Variants in CPLANE1 observed in about 807,000 individuals in gnomAD.
CPLANE1 encodes the protein ciliogenesis and planar polarity effector complex subunit 1.
CPLANE1 carries 263 observed loss-of-function variants against 362.5 expected under a neutral mutation model. That is an observed-to-expected ratio of 0.73 (90% CI 0.66 to 0.80). The LOEUF is 0.80. Among genes scored for constraint, CPLANE1 ranks in the 30% least tolerant of loss-of-function variants. CPLANE1 has a pLI of 0.00. For missense variants in CPLANE1, 3,461 were observed against 3,793.4 expected, an observed-to-expected ratio of 0.91 and a Z score of 2.30; for synonymous variants, 1,212 against 1,302.6, an observed-to-expected ratio of 0.93 and a Z score of 1.50.
chr5:37,164,147 G>A, intron 37 of CPLANE1, 126 bp downstream of exon 37: 1 of 715,590 alleles, frequency 1.4e-6, no homozygotes, highest in Non-Finnish European at 2.4e-6. Flanking sequence ...GTGGAGTATA[G>A]GAACCCTTGA....
At chr5:37,127,553 T>C (rs1196274960) in intron 46 of CPLANE1, among the ~76,000 whole-genome samples, 3 of 149,676 alleles carry the variant, frequency 2.0e-5, no homozygotes, top group African/African-American at 7.4e-5. Context: ...AGTTTCGCTC[T>C]TGTTGCTCAG....
At chr5:37,128,327 T>C (rs930102170) in intron 46 of CPLANE1, among the ~76,000 whole-genome samples, 2 of 152,152 alleles carry the variant, frequency 1.3e-5, no homozygotes, top group Non-Finnish European at 2.9e-5. Context: ...CCTATTACCC[T>C]ACACTCTCCA....
At position 37,183,588 on chromosome 5, in the gene CPLANE1, T is replaced by A. The variant is rs1440218242; in HGVS notation, c.4593A>T (p.Ser1531=). The A allele has an allele frequency of 2.5e-6, 4 of 1,612,730 alleles. No homozygotes were observed. The highest frequency in any genetic ancestry group is 3.4e-6 in the Non-Finnish European group (4 of 1,179,142). ...CACCTATTACAGGAAGTGTATTTTG[T>A]GATAACTTTTCATGATCTTCTTTCT... is the stretch of plus-strand genomic sequence containing the variant. ...PTKKEDHEKL[S]QNTLPVIGVW... Residue 1531 remains serine, a synonymous_variant, in exon 26 of 53, where the codon TCA becomes TCT. Transcript: ENST00000651892.
chr5:37,088,000 C>T, the CPLANE1 span, among the ~76,000 whole-genome samples: 1 of 152,194 alleles, frequency 6.6e-6, no homozygotes, highest in Non-Finnish European at 1.5e-5. Flanking sequence ...GACATAACAG[C>T]TGATATGCTC....
chr5:37,231,652 T>C (rs1299307858), intron 8 of CPLANE1, among the ~76,000 whole-genome samples: 6 of 152,150 alleles, frequency 3.9e-5, no homozygotes, highest in Non-Finnish European at 1.5e-5. Flanking sequence ...GATCTACTGA[T>C]AGATTTCAAG....
In CPLANE1 at chr5:37,169,508, T is replaced by C; in HGVS notation, c.6516A>G (p.Lys2172=). ...PLCQLNGQPR[K]KGPIPSSQNL... ...TTTGAGATGATGGAATTGGTCCTTT[T>C]TTCCGGGGCTGGCCATTTAATTGAC... Residue 2172 remains lysine, a synonymous_variant, in exon 34 of 53, where the codon AAA becomes AAG. Coordinates refer to ENST00000651892, the MANE Select transcript of CPLANE1 (RefSeq NM_001384732.1). 6.2e-7 allele frequency: 1 copy of C among 1,613,972 alleles called. No individual in the cohort carries two copies. Among genetic ancestry groups the C allele is most frequent in the South Asian group, 1.1e-5 (1 of 91,058 alleles).
At chr5:37,179,039 G>A (rs1265384223) in intron 29 of CPLANE1, among the ~76,000 whole-genome samples, 1 of 152,174 alleles carries the variant, frequency 6.6e-6, no homozygotes, top group East Asian at 1.9e-4. Flanking sequence ...GGGATTACAG[G>A]CATCAGTTGC....
the CPLANE1 span, among the ~76,000 whole-genome samples, chr5:37,098,278 G>C: frequency 4.6e-5 from 7 of 151,322 alleles, no homozygotes; most frequent in African/African-American, 7.3e-5. Flanking sequence ...TGTAATCCCA[G>C]CTACTTGGGA....
Position 37,167,042 on chromosome 5 carries a change from C to T in CPLANE1, c.7400+5G>A. The stretch of plus-strand genomic sequence containing the variant: ...TTATCAAATAAAATTTCACTTAAGC[C>T]TTGCCTTTTTTTACTGTCCTTTCCT... On this transcript the variant is annotated splice_donor_5th_base_variant and intron_variant, in intron 35 of 52. Coordinates refer to ENST00000651892, the MANE Select transcript of CPLANE1 (RefSeq NM_001384732.1). 1.2e-6 allele frequency: 2 copies of T among 1,601,832 alleles called. No individual in the cohort carries two copies. The highest frequency in any genetic ancestry group is 1.7e-6 in the Non-Finnish European group (2 of 1,175,528).
At chr5:37,180,249 GTTTTTTTTTTGTTT>G (rs1782297534) in intron 27 of CPLANE1, 66 bp from the exon 28 acceptor site, 3 of 974,736 alleles carry the variant, frequency 3.1e-6, no homozygotes, top group Non-Finnish European at 4.1e-6. Flanking sequence ...TCAGTTTTGG[GTTTTTTTTTTGTTT>G]TTTTTTTTAA....
intron 50 of CPLANE1, among the ~76,000 whole-genome samples, chr5:37,119,345 TA>T (rs991493540): frequency 1.3e-5 from 2 of 152,132 alleles, no homozygotes; most frequent in Non-Finnish European, 2.9e-5. Flanking sequence ...AGTTATACCC[TA>T]CTAATACCCT....
chr5:37,105,569 A>C (rs1757530061), downstream of CPLANE1, among the ~76,000 whole-genome samples: 1 of 152,252 alleles, frequency 6.6e-6, no homozygotes, highest in Admixed American at 6.5e-5. Context: ...ACTTGAAAGA[A>C]ACATTTGGGA....
chr5:37,113,593 T>C (rs779630619), intron 51 of CPLANE1, among the ~76,000 whole-genome samples: 3 of 152,096 alleles, frequency 2.0e-5, no homozygotes, highest in African/African-American at 7.2e-5. Context: ...GTAGAAAAAG[T>C]ACCCAATAGA....
intron 46 of CPLANE1, among the ~76,000 whole-genome samples, chr5:37,137,556 G>A (rs1768092721): frequency 6.6e-6 from 1 of 152,186 alleles, no homozygotes; most frequent in Admixed American, 6.5e-5. Flanking sequence ...TGCTAAATAA[G>A]ACATACCTGA....
chr5:37,168,862 G>A lies in CPLANE1; in HGVS notation c.7162C>T (p.Gln2388Ter). The A allele has an allele frequency of 6.2e-7, 1 of 1,613,890 alleles. No homozygotes were observed. The highest frequency in any genetic ancestry group is 8.5e-7 in the Non-Finnish European group (1 of 1,179,818). ...ASITVPSTPI[Q>*]PIAEERKYPR... ...TATTTTCTTTCTTCTGCTATAGGTT[G>A]GATAGGTGTTGAGGGAACTGTAATA... The change falls in exon 34 of 53, where the codon CAA (glutamine) becomes TAA (stop). Residue 2388 changes from glutamine (Q) to a stop codon, truncating the protein, a stop_gained. Coordinates refer to ENST00000651892, the MANE Select transcript of CPLANE1 (RefSeq NM_001384732.1). LOFTEE classifies it high-confidence loss of function.
intron 44 of CPLANE1, chr5:37,140,303 A>G (rs1199613907): frequency 1.0e-5 from 10 of 973,260 alleles, no homozygotes; most frequent in Non-Finnish European, 1.2e-5. Context: ...AGACTTACAC[A>G]TTCACATGGT....
rs1198900559 is a variant in CPLANE1, at chr5:37,127,989, A to G, written c.8793-2580T>C. 2.0e-5 allele frequency among the ~76,000 whole-genome samples: 3 copies of G among 152,130 alleles called. No individual in the cohort carries two copies. In the East Asian group the frequency reaches 5.8e-4, roughly 29 times the overall value. On this transcript the variant is annotated intron_variant, in intron 46 of 52. Transcript: ENST00000651892. ...GGGGAGGTTGAGGCTGCAGTAAGCCATGATTGTGCCACTGCACCCCAGCCT... is the reference window on the plus strand; with the variant it reads ...GGGGAGGTTGAGGCTGCAGTAAGCCGTGATTGTGCCACTGCACCCCAGCCT...
chr5:37,241,188 T>TA (rs1561712140), intron 6 of CPLANE1, among the ~76,000 whole-genome samples: 2 of 151,842 alleles, frequency 1.3e-5, no homozygotes, highest in Admixed American at 6.6e-5. Context: ...GCATGGTGGC[T>TA]AATGCCTGTA....
rs141351350 is a variant in CPLANE1 at position 37,167,088 on chromosome 5, T to G, written c.7359A>C (p.Ile2453=). 1.9e-5 allele frequency: 31 copies of G among 1,612,584 alleles called. No homozygotes were observed. The highest frequency in any genetic ancestry group is 2.4e-5 in the Non-Finnish European group (28 of 1,179,630). Residue 2453 remains isoleucine, a synonymous_variant, in exon 35 of 53, where the codon ATA becomes ATC. Coordinates refer to ENST00000651892, the MANE Select transcript of CPLANE1 (RefSeq NM_001384732.1). ...AGHLQLLKVK[I]EPPEVRQGKD... The stretch of plus-strand genomic sequence containing the variant: ...TTCCTTGTCTTACTTCAGGTGGTTC[T>G]ATTTTGACCTTTAGAAGTTGAAGGT...
Sources: gnomAD v4.1 joint callset for allele counts (sites outside exome capture counted in the v4.1 genomes callset) on GRCh38, gnomAD v4.1.1 for gene constraint, MANE v1.5 for transcripts, NCBI Gene and HGNC (gene_info 2026-07-23, HGNC 2026-07-21) for gene names.